The following KCNQ3 variants were observed in gnomAD, a reference collection of about 807,000 sequenced individuals.
KCNQ3 encodes the protein potassium voltage-gated channel subfamily KQT member 3.
In KCNQ3, 30 loss-of-function variants were observed where a neutral mutation model predicts 92.5. The observed-to-expected ratio is 0.32, with a 90% confidence interval of 0.24 to 0.44. KCNQ3 has a LOEUF of 0.44. Ranked by LOEUF, KCNQ3 falls within the 20% of genes least tolerant of loss-of-function variation. The pLI is 1.00. For synonymous variants in KCNQ3, 450 were observed against 468.8 expected, an observed-to-expected ratio of 0.96 and a Z score of 0.52; for missense variants, 913 against 1,140.3, an observed-to-expected ratio of 0.80 and a Z score of 2.87.
intron 9 of KCNQ3, among the ~76,000 whole-genome samples, chr8:132,152,060 AT>A (rs1439817848): frequency 6.6e-6 from 1 of 152,238 alleles, no homozygotes; most frequent in African/African-American, 2.4e-5. Flanking sequence ...GACCCCGGAC[AT>A]TTGATAATTG....
intron 10 of KCNQ3, chr8:132,140,867 G>A (rs1825272370): frequency 1.9e-6 from 1 of 519,030 alleles, no homozygotes; most frequent in Admixed American, 3.2e-5. Context: ...GGTCGGGGCG[G>A]ACCCTTAGAA....
At chr8:132,326,772 C>T (rs1480563218) in intron 1 of KCNQ3, among the ~76,000 whole-genome samples, 2 of 152,170 alleles carry the variant, frequency 1.3e-5, no homozygotes, top group Admixed American at 1.3e-4. Flanking sequence ...GCCTCTAGAA[C>T]CATGAGAAAT....
intron 9 of KCNQ3, among the ~76,000 whole-genome samples, chr8:132,142,351 G>A (rs2436138): frequency 0.46 from 69,218 of 151,886 alleles, 15,892 homozygotes; most frequent in African/African-American, 0.51. Context: ...CGGCAAATCT[G>A]TGACCTTTTT....
In KCNQ3 at chr8:132,134,322, T is replaced by C. The variant is rs112528146; in HGVS notation, c.1767A>G (p.Ser589=). 1 of 1,614,050 alleles carries C rather than the reference T, an allele frequency of 6.2e-7. No individual in the cohort carries two copies. ...TPKHKKSQKG[S]AFTFPSQQSP... Reference sequence around the variant, plus strand: ...ATTGCTGGGATGGGAAGGTGAATGCTGACCCTTTCTGAGACTTCTTGTGTT... The same window carrying C: ...ATTGCTGGGATGGGAAGGTGAATGCCGACCCTTTCTGAGACTTCTTGTGTT... Residue 589 remains serine (S), a synonymous_variant, in exon 13 of 15, where the codon TCA becomes TCG. Coordinates refer to ENST00000388996, the MANE Select transcript of KCNQ3 (RefSeq NM_004519.4).
chr8:132,151,285 T>C (rs1586774800), intron 9 of KCNQ3, among the ~76,000 whole-genome samples: 1 of 152,222 alleles, frequency 6.6e-6, no homozygotes, highest in Admixed American at 6.5e-5. Context: ...TGACATGTAA[T>C]TGAGACTACT....
intron 1 of KCNQ3, among the ~76,000 whole-genome samples, chr8:132,277,412 T>C (rs950418077): frequency 3.9e-5 from 6 of 152,192 alleles, no homozygotes; most frequent in Non-Finnish European, 7.3e-5. Context: ...CAGATCATGC[T>C]GAGCATCACA....
intron 1 of KCNQ3, among the ~76,000 whole-genome samples, chr8:132,314,834 T>C (rs1339768222): frequency 6.6e-6 from 1 of 152,212 alleles, no homozygotes; most frequent in African/African-American, 2.4e-5. Context: ...TCTTAAAATA[T>C]GAGCAGGATT....
At chr8:132,422,819 C>T (rs1193158129) in intron 1 of KCNQ3, among the ~76,000 whole-genome samples, 4 of 152,166 alleles carry the variant, frequency 2.6e-5, no homozygotes, top group African/African-American at 4.8e-5. Flanking sequence ...GATCCGTAAG[C>T]TTAGGCCTGA....
At chr8:132,396,938 T>TTGTGTG (rs529554033) in intron 1 of KCNQ3, among the ~76,000 whole-genome samples, 4 of 146,876 alleles carry the variant, frequency 2.7e-5, no homozygotes. Context: ...GGGATAAAAA[T>TTGTGTG]TGTGTGTGTG....
chr8:132,140,476 C>CCAGAAGCCAGCAAAGGACA, intron 10 of KCNQ3: 1 of 381,846 alleles, frequency 2.6e-6, no homozygotes, highest in Non-Finnish European at 4.8e-6. Context: ...GCCCCCAGAG[C>CCAGAAGCCAGCAAAGGACA]CAGAAGCCAG....
intron 1 of KCNQ3, among the ~76,000 whole-genome samples, chr8:132,410,574 G>C (rs554406533): frequency 6.6e-6 from 1 of 152,364 alleles, no homozygotes; most frequent in Non-Finnish European, 1.5e-5. Context: ...CTGGCACACA[G>C]TAAGTGCCCA....
intron 1 of KCNQ3, among the ~76,000 whole-genome samples, chr8:132,463,162 C>T (rs1190816001): frequency 1.3e-5 from 2 of 152,222 alleles, no homozygotes. Context: ...AAAGACCAGA[C>T]TGTGTGGCTT....
intron 9 of KCNQ3, among the ~76,000 whole-genome samples, chr8:132,150,401 T>C (rs1825599453): frequency 6.6e-6 from 1 of 152,154 alleles, no homozygotes; most frequent in Non-Finnish European, 1.5e-5. Flanking sequence ...TTGATTCCCT[T>C]ACCCTCCACG....
intron 1 of KCNQ3, among the ~76,000 whole-genome samples, chr8:132,460,365 T>C (rs1014921320): frequency 1.3e-5 from 2 of 152,224 alleles, no homozygotes; most frequent in Non-Finnish European, 2.9e-5. Flanking sequence ...AACATGAGTT[T>C]ACATGCATAT....
intron 1 of KCNQ3, among the ~76,000 whole-genome samples, chr8:132,356,514 G>T (rs1819021903): frequency 6.6e-6 from 1 of 152,148 alleles, no homozygotes; most frequent in African/African-American, 2.4e-5. Context: ...TGTCCACTCT[G>T]CAGACTCATC....
Position 132,128,375 on chromosome 8 carries a change from C to T in KCNQ3, c.*887G>A, listed in dbSNP as rs1332880101. 2 of 152,206 alleles carry T rather than the reference C, an allele frequency of 1.3e-5. No individual in the cohort carries two copies. Among genetic ancestry groups the T allele is most frequent in the Non-Finnish European group, 2.9e-5 (2 of 68,048 alleles). The allele number at this position is 152,206 out of a possible 1,614,324, so 9.4% of individuals were successfully genotyped here. ...AGATGGATATTTTGTACTTCAGTAT[C>T]ATGGGAAGAAATGAGAGTTGGAAAT... is the stretch of plus-strand genomic sequence containing the variant. On this transcript the variant is annotated 3_prime_UTR_variant, in exon 15 of 15. Transcript: ENST00000388996.
intron 9 of KCNQ3, among the ~76,000 whole-genome samples, chr8:132,158,704 A>T (rs1291970313): frequency 2.0e-5 from 3 of 152,198 alleles, no homozygotes; most frequent in African/African-American, 7.2e-5. Context: ...TCAGTTTCTC[A>T]TCTATAAAAT....
chr8:132,156,287 T>C (rs1825793449), intron 9 of KCNQ3, among the ~76,000 whole-genome samples: 1 of 151,878 alleles, frequency 6.6e-6, no homozygotes, highest in African/African-American at 2.4e-5. Flanking sequence ...TCAGCATTAT[T>C]ATGATTTCCA....
intron 1 of KCNQ3, among the ~76,000 whole-genome samples, chr8:132,249,707 G>C (rs973057183): frequency 1.3e-5 from 2 of 152,176 alleles, no homozygotes; most frequent in African/African-American, 4.8e-5. Flanking sequence ...GCAGAGCAGG[G>C]GGCGGTGCTC....
Sources: gnomAD v4.1 joint callset for allele counts (sites outside exome capture counted in the v4.1 genomes callset) on GRCh38, gnomAD v4.1.1 for gene constraint, MANE v1.5 for transcripts, NCBI Gene and HGNC (gene_info 2026-07-23, HGNC 2026-07-21) for gene names.